TRPC5: variants seen among roughly 807,000 people sequenced by gnomAD.
TRPC5 encodes the protein short transient receptor potential channel 5.
In TRPC5, 9 loss-of-function variants were observed where a neutral mutation model predicts 56.5. That is an observed-to-expected ratio of 0.16 (90% CI 0.10 to 0.28). The LOEUF is 0.28. Among genes scored for constraint, TRPC5 ranks in the 10% least tolerant of loss-of-function variants. The pLI is 1.00. For missense variants in TRPC5, 469 were observed against 748.9 expected (o/e 0.63, Z 4.36); for synonymous variants, 282 against 278.5 (o/e 1.01, Z -0.13).
chrX:111,995,808 G>A, intron 1 of TRPC5, among the ~76,000 whole-genome samples: 1 of 111,092 alleles, frequency 9.0e-6, no homozygotes, highest in Non-Finnish European at 1.9e-5. Flanking sequence ...GTATTTCTGT[G>A]GGATGGGTGG....
chrX:111,789,603 G>T (rs1479561799), intron 7 of TRPC5, among the ~76,000 whole-genome samples: 3 of 112,058 alleles, frequency 2.7e-5, no homozygotes, highest in African/African-American at 9.7e-5. Context: ...CACAGCAAAG[G>T]AAACTACCAT....
At chrX:111,964,440 C>T (rs1311621052) in intron 1 of TRPC5, among the ~76,000 whole-genome samples, 1 of 111,911 alleles carries the variant, frequency 8.9e-6, no homozygotes, top group Non-Finnish European at 1.9e-5. Flanking sequence ...TCTAGCAAGG[C>T]AGGCCAACAT....
intron 3 of TRPC5, among the ~76,000 whole-genome samples, chrX:111,905,624 G>T (rs779171067): frequency 1.5e-4 from 17 of 111,815 alleles, no homozygotes; most frequent in Non-Finnish European, 5.6e-5. Flanking sequence ...CTAGAAAAAT[G>T]CTGAAGGCGG....
chrX:112,078,268 A>G, intron 1 of TRPC5, among the ~76,000 whole-genome samples: 1 of 112,025 alleles, frequency 8.9e-6, no homozygotes. Flanking sequence ...AGTCACAAAG[A>G]TATGACAGCA....
intron 10 of TRPC5, 47 bp downstream of exon 10, chrX:111,778,938 G>A (rs1248863830): frequency 3.6e-5 from 33 of 927,214 alleles, no homozygotes; most frequent in Non-Finnish European, 5.0e-5. Context: ...AAGATTAAAT[G>A]ATGCTTATGA....
At position 112,042,931 on chromosome X, in the gene TRPC5, G is replaced by T. The variant is rs192303497; in HGVS notation, c.-22+38948C>A. On this transcript the variant is annotated intron_variant, in intron 1 of 10. Transcript: ENST00000262839. ...CTTATTCTATTCCTGAACTATTCTT[G>T]CCTCTTTTATATGCTTATGCAAAAT... is the stretch of plus-strand genomic sequence containing the variant. Among the ~76,000 whole-genome samples, 9 of 110,484 alleles carry T rather than the reference G, an allele frequency of 8.1e-5. No individual in the cohort carries two copies. The East Asian group carries it at 2.6e-3, about 31-fold the overall frequency.
chrX:112,017,651 G>A (rs1409131113), intron 1 of TRPC5, among the ~76,000 whole-genome samples: 1 of 111,035 alleles, frequency 9.0e-6, no homozygotes, highest in Non-Finnish European at 1.9e-5. Flanking sequence ...GGACCTTGGG[G>A]CGCTGGGCCT....
chrX:111,886,756 T>A (rs772154240), intron 3 of TRPC5, among the ~76,000 whole-genome samples: 184 of 112,240 alleles, frequency 1.6e-3, no homozygotes, highest in African/African-American at 5.6e-3. Context: ...TACCGAGGAC[T>A]TGGCTTGCCT....
chrX:111,894,241 G>A (rs1216110516), intron 3 of TRPC5, among the ~76,000 whole-genome samples: 1 of 111,643 alleles, frequency 9.0e-6, no homozygotes, highest in East Asian at 2.8e-4. Context: ...AGACCCAGAG[G>A]ATTTGGATTT....
intron 3 of TRPC5, among the ~76,000 whole-genome samples, chrX:111,877,959 G>A (rs926383567): frequency 5.4e-5 from 6 of 111,422 alleles, no homozygotes; most frequent in Non-Finnish European, 1.1e-4. Context: ...ATAGGTTCTG[G>A]TGATTAAGAA....
chrX:112,015,388 T>C (rs1929097016), intron 1 of TRPC5, among the ~76,000 whole-genome samples: 1 of 111,079 alleles, frequency 9.0e-6, no homozygotes, highest in South Asian at 3.8e-4. Flanking sequence ...TCTGGATTTT[T>C]TTTTTTCTTT....
chrX:112,031,689 G>A (rs910464457), intron 1 of TRPC5, among the ~76,000 whole-genome samples: 7 of 108,945 alleles, frequency 6.4e-5, no homozygotes, highest in Admixed American at 1.0e-4. Flanking sequence ...ATACATAGAT[G>A]TATATATATC....
At chrX:111,945,874 T>C (rs1926921675) in intron 2 of TRPC5, among the ~76,000 whole-genome samples, 3 of 112,127 alleles carry the variant, frequency 2.7e-5, no homozygotes, top group African/African-American at 9.7e-5. Flanking sequence ...GAGTAGTTGT[T>C]TGAATTCCAA....
intron 3 of TRPC5, among the ~76,000 whole-genome samples, chrX:111,854,897 A>G (rs1923181278): frequency 8.9e-6 from 1 of 111,921 alleles, no homozygotes; most frequent in South Asian, 3.8e-4. Flanking sequence ...GATATTGTAT[A>G]CTAACCCAGC....
At chrX:112,014,420 C>T (rs753093699) in intron 1 of TRPC5, among the ~76,000 whole-genome samples, 2 of 112,476 alleles carry the variant, frequency 1.8e-5, no homozygotes, top group East Asian at 5.6e-4. Context: ...AAACTGGGAT[C>T]TACCTAACTC....
intron 3 of TRPC5, among the ~76,000 whole-genome samples, chrX:111,910,515 G>C (rs1925781751): frequency 9.0e-6 from 1 of 111,716 alleles, no homozygotes; most frequent in Admixed American, 9.5e-5. Context: ...AAATAAAAAT[G>C]AATAATTATA....
At chrX:111,929,854 G>T (rs1246931375) in intron 2 of TRPC5, among the ~76,000 whole-genome samples, 1 of 112,117 alleles carries the variant, frequency 8.9e-6, no homozygotes, top group African/African-American at 3.2e-5. Context: ...AAGTCAATAT[G>T]AGAATTCCAC....
At position 111,771,773 on chromosome X, in the gene TRPC5, CTT is replaced by C. The variant is rs35353450; in HGVS notation, c.*4538_*4539del. ...CAGGTAAGTTATTCTGACCTAAATGCTTTTTTTTTTTTTAAACAAAACCAGGA... is the reference window on the plus strand; with the variant it reads ...CAGGTAAGTTATTCTGACCTAAATGCTTTTTTTTTTTAAACAAAACCAGGA... On this transcript the variant is annotated 3_prime_UTR_variant, in exon 11 of 11. Coordinates refer to ENST00000262839, the MANE Select transcript of TRPC5 (RefSeq NM_012471.3). Among the ~76,000 whole-genome samples the C allele has an allele frequency of 6.9e-5, 7 of 101,332 alleles. No homozygotes were observed. Among genetic ancestry groups the C allele is most frequent in the African/African-American group, 1.4e-4 (4 of 28,171 alleles). The allele number at this position is 101,332 out of a possible 115,157, so 88.0% of individuals were successfully genotyped here. A position where few individuals can be genotyped will look rare whatever the true frequency, so the allele number is the denominator to read the frequency against.
intron 7 of TRPC5, among the ~76,000 whole-genome samples, chrX:111,791,802 G>A (rs756606725): frequency 1.1e-4 from 12 of 112,237 alleles, no homozygotes; most frequent in African/African-American, 3.9e-4. Flanking sequence ...TGCCAGCTTG[G>A]AAGTGATACC....
Sources: gnomAD v4.1 joint callset for allele counts (sites outside exome capture counted in the v4.1 genomes callset) on GRCh38, gnomAD v4.1.1 for gene constraint, MANE v1.5 for transcripts, NCBI Gene and HGNC (gene_info 2026-07-23, HGNC 2026-07-21) for gene names.